The following GSTA2 variants were observed in gnomAD, a reference collection of about 807,000 sequenced individuals.
GSTA2 encodes the protein glutathione S-transferase A2.
Under a neutral mutation model 22.4 loss-of-function variants are expected in GSTA2, and 27 were observed. The ratio of observed to expected loss-of-function variants is 1.21; its 90% CI spans 0.89 to 1.67. The LOEUF (loss-of-function observed/expected upper bound fraction) is 1.67. Ranked by LOEUF, GSTA2 falls within the 40% of genes most tolerant of loss-of-function variation. The pLI is 0.00. For synonymous variants in GSTA2, 121 were observed against 86.8 expected, an observed-to-expected ratio of 1.39 and a Z score of -2.19; for missense variants, 302 against 260.2, an observed-to-expected ratio of 1.16 and a Z score of -1.11.
intron 4 of GSTA2, 87 bp from the exon 5 acceptor site, chr6:52,753,082 G>T (rs1762775745): frequency 7.5e-7 from 1 of 1,328,410 alleles, no homozygotes; most frequent in Non-Finnish European, 1.0e-6. Context: ...AGAGTATCAG[G>T]TGATGGCAAA....
In GSTA2 at chr6:52,750,179, A is replaced by G. The variant is rs1208702450; in HGVS notation, c.*398T>C. 1 of 163,466 alleles carries G rather than the reference A, an allele frequency of 6.1e-6. No individual in the cohort carries two copies. Among genetic ancestry groups the G allele is most frequent in the Non-Finnish European group, 1.3e-5 (1 of 75,088 alleles). The allele number at this position is 163,466 out of a possible 1,614,324, so 10.1% of individuals were successfully genotyped here. The stretch of plus-strand genomic sequence containing the variant: ...AAATGTCTTTATGCCATTATCCAGG[A>G]TGGTAACTCTTCTCCTGTGCATACC... On this transcript the variant is annotated 3_prime_UTR_variant, in exon 7 of 7. Coordinates refer to ENST00000493422, the MANE Select transcript of GSTA2 (RefSeq NM_000846.5).
intron 1 of GSTA2, among the ~76,000 whole-genome samples, chr6:52,763,128 T>A (rs781685673): frequency 7.2e-5 from 11 of 152,222 alleles, no homozygotes; most frequent in Non-Finnish European, 1.5e-4. Flanking sequence ...ACATTGCCAC[T>A]TCTTCCAGCA....
intron 5 of GSTA2, 147 bp downstream of exon 5, chr6:52,752,707 C>T: frequency 1.0e-6 from 1 of 969,274 alleles, no homozygotes; most frequent in Non-Finnish European, 1.6e-6. Flanking sequence ...AGTCTATTTT[C>T]ATAAAATGCC....
At chr6:52,750,851 G>A (rs1262300313) in intron 6 of GSTA2, 152 bp from the exon 7 acceptor site, 2 of 884,132 alleles carry the variant, frequency 2.3e-6, no homozygotes, top group Admixed American at 5.6e-5. Context: ...CAGTGAGAAA[G>A]GAAGATAAGA....
At chr6:52,756,704 C>A (rs1762851634) in intron 2 of GSTA2, among the ~76,000 whole-genome samples, 1 of 152,250 alleles carries the variant, frequency 6.6e-6, no homozygotes, top group African/African-American at 2.4e-5. Context: ...TGAGGCATGA[C>A]ATGGGCTAAT....
intron 5 of GSTA2, among the ~76,000 whole-genome samples, chr6:52,751,946 C>T (rs201236754): frequency 2.0e-5 from 3 of 152,138 alleles, no homozygotes; most frequent in African/African-American, 7.2e-5. Context: ...ATCACTGTGG[C>T]GTCTACACTA....
chr6:52,752,688 G>A (rs1476773180), intron 5 of GSTA2, among the ~76,000 whole-genome samples, 166 bp downstream of exon 5: 4 of 152,172 alleles, frequency 2.6e-5, no homozygotes, highest in Non-Finnish European at 5.9e-5. Flanking sequence ...TGATACAATT[G>A]TTTCTCCAAG....
At chr6:52,756,405 A>G in intron 2 of GSTA2, 96 bp from the exon 3 acceptor site, 1 of 1,030,942 alleles carries the variant, frequency 9.7e-7, no homozygotes, top group Admixed American at 1.9e-5. Flanking sequence ...TTTGGAGAAT[A>G]TAAGATTTCT....
intron 1 of GSTA2, among the ~76,000 whole-genome samples, chr6:52,759,464 A>G (rs1762910067): frequency 6.6e-6 from 1 of 151,194 alleles, no homozygotes; most frequent in Non-Finnish European, 1.5e-5. Flanking sequence ...CCAAACCCCC[A>G]GCTCTGTTAT....
In GSTA2 at chr6:52,754,939, G is replaced by T. The variant is rs368010063; in HGVS notation, c.272+4C>A. ...TGGATGGAAGAACAGAAAATATACC[G>T]TACAGGGCTTTCTCCTTTATGTCTT... On this transcript the variant is annotated splice_donor_region_variant and intron_variant, in intron 4 of 6. Transcript: ENST00000493422. The T allele has an allele frequency of 7.4e-6, 12 of 1,612,950 alleles. No individual in the cohort carries two copies. The highest frequency in any genetic ancestry group is 1.3e-5 in the African/African-American group (1 of 74,842).
Position 52,757,885 on chromosome 6 carries a change from C to G in GSTA2, c.63G>C (p.Trp21Cys). The change falls in exon 2 of 7, where the codon TGG becomes TGC. Residue 21 changes from tryptophan (W) to cysteine (C), a missense_variant. Physicochemically the swap from Trp to Cys is radical, Grantham distance 215. Transcript: ENST00000493422. ...NIRGRMESIR[W>C]LLAAAGVEFE... The stretch of plus-strand genomic sequence containing the variant: ...CCTCTACTCCAGCTGCAGCCAGGAG[C>G]CACCGGATGGACTCCATTCTGCCCC... The G allele has an allele frequency of 6.2e-7, 1 of 1,613,696 alleles. No homozygotes were observed. Among genetic ancestry groups the G allele is most frequent in the South Asian group, 1.1e-5 (1 of 91,072 alleles).
intron 1 of GSTA2, among the ~76,000 whole-genome samples, chr6:52,760,997 T>C (rs1051278203): frequency 6.6e-6 from 1 of 152,206 alleles, no homozygotes; most frequent in African/African-American, 2.4e-5. Context: ...GTTGTCCCAG[T>C]GACACTGTTT....
chr6:52,751,117 T>A (rs556210195), intron 6 of GSTA2, among the ~76,000 whole-genome samples: 5 of 150,914 alleles, frequency 3.3e-5, no homozygotes, highest in Non-Finnish European at 7.4e-5. Context: ...CTTTTCTCAG[T>A]GAGAGATACA....
At chr6:52,759,587 T>TTG (rs1762917715) in intron 1 of GSTA2, among the ~76,000 whole-genome samples, 1 of 127,278 alleles carries the variant, frequency 7.9e-6, no homozygotes, top group African/African-American at 3.2e-5. Flanking sequence ...TTTTTTTTTT[T>TTG]TTTTTTTTTT....
chr6:52,758,703 T>G (rs1762895468), intron 1 of GSTA2, among the ~76,000 whole-genome samples: 1 of 152,224 alleles, frequency 6.6e-6, no homozygotes, highest in Non-Finnish European at 1.5e-5. Flanking sequence ...AGACAGAGAT[T>G]GTTTATCCCT....
At chr6:52,762,034 T>C (rs1385563656) in intron 1 of GSTA2, among the ~76,000 whole-genome samples, 1 of 145,746 alleles carries the variant, frequency 6.9e-6, no homozygotes, top group Non-Finnish European at 1.5e-5. Context: ...ATGGAGGATG[T>C]GCTTTGTAAA....
chr6:52,751,517 T>C (rs1762734979), intron 6 of GSTA2, 60 bp downstream of exon 6: 105 of 1,611,390 alleles, frequency 6.5e-5, no homozygotes, highest in Admixed American at 1.7e-4. Flanking sequence ...AGGGCCCAGA[T>C]ACAAGATCCC....
rs374476122 is a variant in GSTA2, at chr6:52,756,206, G to A, written c.139+52C>T. ...CATTGCCGGCTGCGCAAACCTCCCC[G>A]TGTACCTTCTACTAGATACCCTCAT... On this transcript the variant is annotated intron_variant, in intron 3 of 6. Transcript: ENST00000493422. 1.2e-4 allele frequency: 165 copies of A among 1,343,696 alleles called. 1 individual carries two copies. Among genetic ancestry groups the A allele is most frequent in the South Asian group, 2.5e-4 (21 of 85,546 alleles). 83.2% of individuals were successfully genotyped at this position (1,343,696 alleles called of 1,614,324 possible). A position where few individuals can be genotyped will look rare whatever the true frequency, so the allele number is the denominator to read the frequency against.
Position 52,753,002 on chromosome 6 carries a change from G to A in GSTA2, c.273-7C>T. 6.3e-7 allele frequency: 1 copy of A among 1,582,476 alleles called. No homozygotes were observed. Among genetic ancestry groups the A allele is most frequent in the Non-Finnish European group, 8.6e-7 (1 of 1,165,614 alleles). On this transcript the variant is annotated splice_region_variant and splice_polypyrimidine_tract_variant and intron_variant, in intron 4 of 6. Transcript: ENST00000493422. ...TTCTATATACATATCAATCCTGAAA[G>A]ACAAAAACAACCAAATGGTCAAATA...
Sources: gnomAD v4.1 joint callset for allele counts (sites outside exome capture counted in the v4.1 genomes callset) on GRCh38, gnomAD v4.1.1 for gene constraint, MANE v1.5 for transcripts, NCBI Gene and HGNC (gene_info 2026-07-23, HGNC 2026-07-21) for gene names.